THRB: variants seen among roughly 807,000 people sequenced by gnomAD.
The protein encoded by THRB is nuclear receptor subfamily 1 group A member 2.
In THRB, 12 loss-of-function variants were observed where a neutral mutation model predicts 47.8. The ratio of observed to expected loss-of-function variants is 0.25; its 90% CI spans 0.16 to 0.41. THRB has a LOEUF of 0.41. Among genes scored for constraint, THRB ranks in the 10% least tolerant of loss-of-function variants. The probability of loss-of-function intolerance (pLI) is 1.00; values close to 1 mark genes in which losing one functional copy is unlikely to be tolerated. For synonymous variants in THRB, 218 were observed against 212.2 expected, an observed-to-expected ratio of 1.03 and a Z score of -0.24; for missense variants, 348 against 589.2, an observed-to-expected ratio of 0.59 and a Z score of 4.24.
At chr3:24,457,745 G>T (rs1411418453) in intron 1 of THRB, among the ~76,000 whole-genome samples, 1 of 152,138 alleles carries the variant, frequency 6.6e-6, no homozygotes, top group African/African-American at 2.4e-5. Flanking sequence ...CATTTAAGCA[G>T]CAGATTACCA....
intron 6 of THRB, among the ~76,000 whole-genome samples, chr3:24,149,003 G>C (rs1159007212): frequency 1.3e-5 from 2 of 152,168 alleles, no homozygotes; most frequent in Non-Finnish European, 2.9e-5. Flanking sequence ...TTCACACGCA[G>C]GGCAGTTGTT....
intron 1 of THRB, among the ~76,000 whole-genome samples, chr3:24,389,852 G>A (rs768077259): frequency 6.6e-6 from 1 of 152,154 alleles, no homozygotes; most frequent in Non-Finnish European, 1.5e-5. Flanking sequence ...TCTGTTCAGT[G>A]GCAGTCACTA....
chr3:24,377,030 T>C (rs1454879767), intron 1 of THRB, among the ~76,000 whole-genome samples: 2 of 152,068 alleles, frequency 1.3e-5, no homozygotes, highest in Non-Finnish European at 2.9e-5. Flanking sequence ...TTTGGCCTCC[T>C]AGACTCAAGC....
chr3:24,125,743 C>G (rs2032638276), intron 10 of THRB, among the ~76,000 whole-genome samples: 2 of 152,210 alleles, frequency 1.3e-5, no homozygotes, highest in South Asian at 4.1e-4. Context: ...CTTCATGAAG[C>G]TGGCACGGAG....
chr3:24,126,974 C>T (rs1218520364), intron 10 of THRB, among the ~76,000 whole-genome samples: 1 of 152,192 alleles, frequency 6.6e-6, no homozygotes, highest in Non-Finnish European at 1.5e-5. Context: ...TAGAGGGAGG[C>T]CTGAACCAGT....
At chr3:24,387,560 C>T (rs1034957182) in intron 1 of THRB, among the ~76,000 whole-genome samples, 8 of 152,158 alleles carry the variant, frequency 5.3e-5, no homozygotes, top group Non-Finnish European at 1.5e-5. Context: ...TCTGCATTAC[C>T]AACTAAATAC....
chr3:24,427,914 A>G (rs1287095893), intron 1 of THRB, among the ~76,000 whole-genome samples: 1 of 152,012 alleles, frequency 6.6e-6, no homozygotes, highest in Non-Finnish European at 1.5e-5. Flanking sequence ...CTTAGATTTG[A>G]AAATTTCCAT....
At chr3:24,453,890 A>T (rs4858618) in intron 1 of THRB, among the ~76,000 whole-genome samples, 1 of 152,072 alleles carries the variant, frequency 6.6e-6, no homozygotes, top group Non-Finnish European at 1.5e-5. Context: ...GTGTTCTCCT[A>T]GCCCTCAAGA....
At chr3:24,248,388 C>G (rs1188189742) in intron 3 of THRB, among the ~76,000 whole-genome samples, 1 of 151,946 alleles carries the variant, frequency 6.6e-6, no homozygotes, top group African/African-American at 2.4e-5. Flanking sequence ...TTTAGGACAT[C>G]AGTAGTTGTT....
chr3:24,443,307 T>C (rs1241615038), intron 1 of THRB, among the ~76,000 whole-genome samples: 1 of 151,784 alleles, frequency 6.6e-6, no homozygotes, highest in Non-Finnish European at 1.5e-5. Flanking sequence ...CAACAACAAA[T>C]AGAAACAACA....
intron 3 of THRB, among the ~76,000 whole-genome samples, chr3:24,280,421 C>T (rs549742869): frequency 1.6e-3 from 237 of 152,190 alleles, no homozygotes; most frequent in African/African-American, 5.4e-3. Flanking sequence ...GACATCCACA[C>T]CAAAAACCCA....
At chr3:24,434,560 T>C (rs1425950802) in intron 1 of THRB, among the ~76,000 whole-genome samples, 1 of 152,210 alleles carries the variant, frequency 6.6e-6, no homozygotes, top group Non-Finnish European at 1.5e-5. Context: ...CATAAATTAT[T>C]CTTTAAATGC....
intron 8 of THRB, among the ~76,000 whole-genome samples, chr3:24,140,753 A>G (rs1366476160): frequency 6.6e-6 from 1 of 152,170 alleles, no homozygotes; most frequent in East Asian, 1.9e-4. Context: ...ATTCAAGGGG[A>G]GAGGGGAACA....
chr3:24,148,714 C>T (rs1390473302), intron 6 of THRB, among the ~76,000 whole-genome samples: 1 of 152,142 alleles, frequency 6.6e-6, no homozygotes, highest in Non-Finnish European at 1.5e-5. Context: ...TATACGTATA[C>T]CCTATTGCAT....
chr3:24,410,562 C>A (rs1387148208), intron 1 of THRB, among the ~76,000 whole-genome samples: 3 of 151,768 alleles, frequency 2.0e-5, no homozygotes, highest in African/African-American at 7.2e-5. Flanking sequence ...AAAATTCAGT[C>A]TCCATTTCAA....
intron 1 of THRB, among the ~76,000 whole-genome samples, chr3:24,341,086 T>C (rs2062608939): frequency 6.6e-6 from 1 of 151,948 alleles, no homozygotes; most frequent in South Asian, 2.1e-4. Context: ...AAATTCTTTT[T>C]CTTTTGGCTT....
chr3:24,291,398 T>C (rs944253280), intron 3 of THRB, among the ~76,000 whole-genome samples: 1 of 152,132 alleles, frequency 6.6e-6, no homozygotes, highest in Non-Finnish European at 1.5e-5. Flanking sequence ...TGTGCGCACA[T>C]GAGTTATTGT....
intron 5 of THRB, among the ~76,000 whole-genome samples, chr3:24,168,490 A>ATATATATATATATATATATATATACATAT: frequency 7.2e-6 from 1 of 137,972 alleles, no homozygotes. Flanking sequence ...TTCAATCAAT[A>ATATATATATATATATATATATATACATAT]ATATATATAT....
intron 1 of THRB, among the ~76,000 whole-genome samples, chr3:24,365,253 A>C (rs1442061063): frequency 6.6e-6 from 1 of 152,044 alleles, no homozygotes; most frequent in Non-Finnish European, 1.5e-5. Flanking sequence ...CCCCCTACCA[A>C]CTTGCAAAAG....
Sources: gnomAD v4.1 joint callset for allele counts (sites outside exome capture counted in the v4.1 genomes callset) on GRCh38, gnomAD v4.1.1 for gene constraint, MANE v1.5 for transcripts, NCBI Gene and HGNC (gene_info 2026-07-23, HGNC 2026-07-21) for gene names.